ARID1B: variants seen among roughly 807,000 people sequenced by gnomAD.
The protein encoded by ARID1B is AT-rich interactive domain-containing protein 1B.
Under a neutral mutation model 212.3 loss-of-function variants are expected in ARID1B, and 30 were observed. The ratio of observed to expected loss-of-function variants is 0.14; its 90% CI spans 0.11 to 0.19. ARID1B has a LOEUF of 0.19. Ranked by LOEUF, ARID1B falls within the 10% of genes least tolerant of loss-of-function variation. The probability of loss-of-function intolerance (pLI) is 1.00; values close to 1 mark genes in which losing one functional copy is unlikely to be tolerated. For synonymous variants in ARID1B, 1,402 were observed against 1,301.7 expected, an observed-to-expected ratio of 1.08 and a Z score of -1.66; for missense variants, 2,891 against 3,204.0, an observed-to-expected ratio of 0.90 and a Z score of 2.36.
At chr6:156,859,562 C>G (rs756184425) in intron 2 of ARID1B, among the ~76,000 whole-genome samples, 17 of 152,206 alleles carry the variant, frequency 1.1e-4, no homozygotes, top group Non-Finnish European at 1.9e-4. Context: ...TACAGGTGTG[C>G]TGTAGTGCAC....
At chr6:157,075,183 T>C (rs1784228885) in intron 4 of ARID1B, among the ~76,000 whole-genome samples, 1 of 152,156 alleles carries the variant, frequency 6.6e-6, no homozygotes, top group African/African-American at 2.4e-5. Context: ...AAACCTCTTA[T>C]CTAAGTGAGT....
intron 4 of ARID1B, among the ~76,000 whole-genome samples, chr6:157,000,441 G>A (rs1196666799): frequency 2.6e-5 from 4 of 152,136 alleles, no homozygotes; most frequent in Admixed American, 6.5e-5. Context: ...AACATCCTGT[G>A]TACTATGAAC....
In ARID1B at chr6:157,134,714, C is replaced by T. The variant is rs577198578; in HGVS notation, c.2761+1507C>T. On this transcript the variant is annotated intron_variant, in intron 7 of 19. Coordinates refer to ENST00000636930, the MANE Select transcript of ARID1B (RefSeq NM_001374828.1). Reference sequence around the variant, plus strand: ...CATCCTTACTGAACGTGGTGGGTGTCGTCAAAGCCAGGTTTCTTTAGCTGT... The same window carrying T: ...CATCCTTACTGAACGTGGTGGGTGTTGTCAAAGCCAGGTTTCTTTAGCTGT... Among the ~76,000 whole-genome samples the T allele has an allele frequency of 9.2e-5, 14 of 152,242 alleles. No homozygotes were observed. The East Asian group carries it at 1.9e-3, about 21-fold the overall frequency.
intron 3 of ARID1B, among the ~76,000 whole-genome samples, chr6:156,934,226 A>G (rs941551109): frequency 6.6e-6 from 1 of 152,208 alleles, no homozygotes; most frequent in Non-Finnish European, 1.5e-5. Flanking sequence ...CAATTGAGAC[A>G]TGCTATAATA....
intron 2 of ARID1B, among the ~76,000 whole-genome samples, chr6:156,837,611 T>C (rs1783601448): frequency 6.6e-6 from 1 of 152,266 alleles, no homozygotes; most frequent in Non-Finnish European, 1.5e-5. Context: ...TATTTTTACA[T>C]GTAATAAATT....
At chr6:156,987,671 G>C (rs114265807) in intron 4 of ARID1B, among the ~76,000 whole-genome samples, 447 of 152,230 alleles carry the variant, frequency 2.9e-3, no homozygotes, top group African/African-American at 0.01. Flanking sequence ...TTTTTCATTT[G>C]ACATCACTTG....
intron 5 of ARID1B, among the ~76,000 whole-genome samples, chr6:157,097,526 G>A (rs1323640202): frequency 6.6e-6 from 1 of 152,180 alleles, no homozygotes; most frequent in African/African-American, 2.4e-5. Context: ...TGACTCCAAG[G>A]GAGTGAGCAT....
chr6:157,112,721 G>T (rs1787011457), intron 6 of ARID1B, among the ~76,000 whole-genome samples: 1 of 152,160 alleles, frequency 6.6e-6, no homozygotes, highest in Admixed American at 6.5e-5. Context: ...ACAACAATTA[G>T]GAAACTTAGC....
At chr6:157,128,255 G>A (rs541937326) in intron 6 of ARID1B, among the ~76,000 whole-genome samples, 1 of 152,196 alleles carries the variant, frequency 6.6e-6, no homozygotes, top group African/African-American at 2.4e-5. Flanking sequence ...TTTTTAGTAG[G>A]ATTAGCTAGT....
chr6:157,178,602 A>G (rs1052156105), intron 11 of ARID1B, among the ~76,000 whole-genome samples: 5 of 152,252 alleles, frequency 3.3e-5, no homozygotes, highest in Admixed American at 6.5e-5. Context: ...TTATGGTGCC[A>G]TAAAAATGCC....
At chr6:156,960,869 T>A (rs908232787) in intron 4 of ARID1B, among the ~76,000 whole-genome samples, 1 of 152,206 alleles carries the variant, frequency 6.6e-6, no homozygotes, top group Non-Finnish European at 1.5e-5. Context: ...AATTATTCCC[T>A]GTGCATTTTA....
At chr6:157,039,305 T>C (rs887319433) in intron 4 of ARID1B, among the ~76,000 whole-genome samples, 4 of 149,510 alleles carry the variant, frequency 2.7e-5, no homozygotes, top group Admixed American at 2.0e-4. Context: ...TAATTAAAAA[T>C]GGGAAATTTG....
chr6:156,952,508 C>G (rs1256742096), intron 4 of ARID1B, among the ~76,000 whole-genome samples: 1 of 152,208 alleles, frequency 6.6e-6, no homozygotes, highest in African/African-American at 2.4e-5. Context: ...ATCCTGCCCC[C>G]CATGGTTGGT....
intron 11 of ARID1B, among the ~76,000 whole-genome samples, chr6:157,176,859 T>G (rs540938649): frequency 2.0e-5 from 3 of 152,112 alleles, no homozygotes; most frequent in Middle Eastern, 3.2e-3. Flanking sequence ...AAAAAGATAA[T>G]AAGAATGAGC....
chr6:156,969,671 A>G (rs1338644284), intron 4 of ARID1B, among the ~76,000 whole-genome samples: 1 of 152,248 alleles, frequency 6.6e-6, no homozygotes, highest in Non-Finnish European at 1.5e-5. Context: ...GTACTAGCTT[A>G]TAACTGTTAA....
chr6:157,099,798 A>G (rs1016594278), intron 5 of ARID1B, among the ~76,000 whole-genome samples: 6 of 152,166 alleles, frequency 3.9e-5, no homozygotes, highest in Admixed American at 1.3e-4. Context: ...GGTTTTTGAC[A>G]GTGTATTAGT....
At chr6:156,899,297 T>C (rs1788736487) in intron 2 of ARID1B, among the ~76,000 whole-genome samples, 1 of 152,120 alleles carries the variant, frequency 6.6e-6, no homozygotes, top group Non-Finnish European at 1.5e-5. Flanking sequence ...TTGGGTAAAC[T>C]AGAGTTGAGC....
chr6:156,795,888 T>G (rs890417222), intron 1 of ARID1B, among the ~76,000 whole-genome samples: 2 of 152,168 alleles, frequency 1.3e-5, no homozygotes, highest in African/African-American at 4.8e-5. Flanking sequence ...AAAAAAAAAT[T>G]CAGTTTAGCT....
At chr6:157,202,507 CA>C (rs1794174983) in intron 18 of ARID1B, among the ~76,000 whole-genome samples, 1 of 151,964 alleles carries the variant, frequency 6.6e-6, no homozygotes. Context: ...GACAACCTAG[CA>C]AAACCTCGTC....
Sources: gnomAD v4.1 joint callset for allele counts (sites outside exome capture counted in the v4.1 genomes callset) on GRCh38, gnomAD v4.1.1 for gene constraint, MANE v1.5 for transcripts, NCBI Gene and HGNC (gene_info 2026-07-23, HGNC 2026-07-21) for gene names.